Variants in GLIPR1L2 observed in about 807,000 individuals in gnomAD.
GLIPR1L2 encodes the protein GLIPR1 like 2, also known as GLIPR1-like protein 2.
A neutral mutation model predicts 28.4 loss-of-function variants in GLIPR1L2; 21 were observed. The ratio of observed to expected loss-of-function variants is 0.74; its 90% CI spans 0.52 to 1.06. The LOEUF is 1.06. Ranked by LOEUF, GLIPR1L2 falls within the 50% of genes least tolerant of loss-of-function variation. The pLI is 0.00. For synonymous variants in GLIPR1L2, 145 were observed against 139.3 expected (o/e 1.04, Z -0.29); for missense variants, 476 against 416.9 (o/e 1.14, Z -1.23).
At chr12:75,391,557 G>A (rs1358019500) in intron 1 of GLIPR1L2, 1 of 1,513,930 alleles carries the variant, frequency 6.6e-7, no homozygotes, top group African/African-American at 1.4e-5. Context: ...ATTACACAGG[G>A]CCAGGACTAA....
intron 1 of GLIPR1L2, among the ~76,000 whole-genome samples, chr12:75,405,783 G>A (rs1447560242): frequency 6.6e-6 from 1 of 152,050 alleles, no homozygotes; most frequent in African/African-American, 2.4e-5. Flanking sequence ...GATATAGAAA[G>A]TTTGAAAAGT....
At chr12:75,416,055 A>T (rs78215964) in intron 3 of GLIPR1L2, among the ~76,000 whole-genome samples, 2,626 of 152,194 alleles carry the variant, frequency 0.017, 43 homozygotes, top group Non-Finnish European at 0.027. Flanking sequence ...TAGAATGGAA[A>T]TGGTGAGGAA....
At chr12:75,394,759 T>C (rs2045664500) in intron 1 of GLIPR1L2, among the ~76,000 whole-genome samples, 1 of 82,548 alleles carries the variant, frequency 1.2e-5, no homozygotes, top group Admixed American at 1.5e-4. Flanking sequence ...TTTTTGTATT[T>C]CTGCAAAAAA....
At chr12:75,405,114 G>A (rs529918875) in intron 1 of GLIPR1L2, among the ~76,000 whole-genome samples, 6 of 152,156 alleles carry the variant, frequency 3.9e-5, no homozygotes, top group South Asian at 2.1e-4. Context: ...TGAAATCAAC[G>A]GCACTAATGT....
At chr12:75,391,688 G>A (rs4393363) in intron 1 of GLIPR1L2, 252,210 of 467,916 alleles carry the variant, frequency 0.54, 68,674 homozygotes, top group East Asian at 0.58. Context: ...AATATCAAGG[G>A]TAAAGAAAAT....
intron 2 of GLIPR1L2, among the ~76,000 whole-genome samples, chr12:75,413,111 C>T (rs1250074701): frequency 2.6e-5 from 4 of 151,180 alleles, no homozygotes; most frequent in Admixed American, 6.6e-5. Context: ...AACCAAACAC[C>T]GCATGTTCTC....
intron 1 of GLIPR1L2, among the ~76,000 whole-genome samples, chr12:75,393,057 G>A (rs990755693): frequency 2.6e-5 from 4 of 151,924 alleles, no homozygotes; most frequent in African/African-American, 9.6e-5. Flanking sequence ...TTTAATGTAT[G>A]TACTTTTTAT....
chr12:75,410,391 A>G (rs1306579190), intron 1 of GLIPR1L2, 43 bp from the exon 2 acceptor site: 1 of 1,442,956 alleles, frequency 6.9e-7, no homozygotes, highest in Non-Finnish European at 9.1e-7. Context: ...AGACTACAAA[A>G]AAAAACTTAT....
chr12:75,397,750 T>C (rs1402128566), intron 1 of GLIPR1L2, among the ~76,000 whole-genome samples: 1 of 152,158 alleles, frequency 6.6e-6, no homozygotes. Context: ...TCCATCTGAC[T>C]TTCTGTCACT....
intron 1 of GLIPR1L2, among the ~76,000 whole-genome samples, chr12:75,401,910 A>G (rs567266975): frequency 6.6e-6 from 1 of 152,166 alleles, no homozygotes; most frequent in South Asian, 2.1e-4. Context: ...TTCAAAGAAA[A>G]GAAACAAAGA....
At chr12:75,419,682 TTAAC>T (rs1438962957) in intron 3 of GLIPR1L2, among the ~76,000 whole-genome samples, 6 of 152,220 alleles carry the variant, frequency 3.9e-5, no homozygotes, top group Non-Finnish European at 8.8e-5. Flanking sequence ...TTTTAACTGT[TTAAC>T]TGTGTTCCAC....
intron 1 of GLIPR1L2, among the ~76,000 whole-genome samples, chr12:75,392,316 C>T (rs973900182): frequency 1.3e-5 from 2 of 152,158 alleles, no homozygotes; most frequent in African/African-American, 4.8e-5. Context: ...TCTGTTTTCA[C>T]CACATCCTCA....
At chr12:75,422,592 G>A (rs143076378) in intron 3 of GLIPR1L2, among the ~76,000 whole-genome samples, 152 of 152,236 alleles carry the variant, frequency 1.0e-3, no homozygotes, top group Middle Eastern at 3.4e-3. Flanking sequence ...ATGAGCCACC[G>A]CGCCCGGTCT....
chr12:75,413,818 C>T lies in GLIPR1L2; in HGVS notation c.584+117C>T, dbSNP rs540140473. Reference sequence around the variant, plus strand: ...TGAACTATAAAATAAATATACTTTACATTGAAATATTTTCAATCAATTTTA... The same window carrying T: ...TGAACTATAAAATAAATATACTTTATATTGAAATATTTTCAATCAATTTTA... On this transcript the variant is annotated intron_variant, in intron 3 of 5. Coordinates refer to ENST00000550916, the MANE Select transcript of GLIPR1L2 (RefSeq NM_001270396.2). 82 of 481,526 alleles carry T rather than the reference C, an allele frequency of 1.7e-4. 1 individual carries two copies. In the South Asian group the frequency reaches 3.2e-3, roughly 19 times the overall value. 29.8% of individuals were successfully genotyped at this position (481,526 alleles called of 1,614,324 possible).
intron 3 of GLIPR1L2, among the ~76,000 whole-genome samples, chr12:75,415,456 A>C (rs976264837): frequency 6.6e-6 from 1 of 152,112 alleles, no homozygotes; most frequent in Admixed American, 6.6e-5. Flanking sequence ...ATTGTTTATC[A>C]AGTTGGATAA....
intron 1 of GLIPR1L2, among the ~76,000 whole-genome samples, chr12:75,397,675 G>C (rs1345393775): frequency 6.6e-6 from 1 of 152,150 alleles, no homozygotes; most frequent in African/African-American, 2.4e-5. Context: ...GGCAATGTAA[G>C]TATAGTGTCC....
intron 4 of GLIPR1L2, among the ~76,000 whole-genome samples, chr12:75,425,601 C>T (rs1409344650): frequency 6.6e-6 from 1 of 152,184 alleles, no homozygotes; most frequent in Non-Finnish European, 1.5e-5. Context: ...TCAGCATAAA[C>T]ATATTCCAAA....
At chr12:75,411,402 A>C (rs2045865833) in intron 2 of GLIPR1L2, among the ~76,000 whole-genome samples, 2 of 151,884 alleles carry the variant, frequency 1.3e-5, no homozygotes, top group Admixed American at 1.3e-4. Flanking sequence ...GTCACGTTTT[A>C]TGTAGAACTT....
chr12:75,419,367 A>C (rs1277736065), intron 3 of GLIPR1L2, among the ~76,000 whole-genome samples: 1 of 152,032 alleles, frequency 6.6e-6, no homozygotes, highest in African/African-American at 2.4e-5. Flanking sequence ...TTTAAGAGGT[A>C]ACAGGATCCA....
Sources: gnomAD v4.1 joint callset for allele counts (sites outside exome capture counted in the v4.1 genomes callset) on GRCh38, gnomAD v4.1.1 for gene constraint, MANE v1.5 for transcripts, NCBI Gene and HGNC (gene_info 2026-07-23, HGNC 2026-07-21) for gene names.